Variants in PTDSS1 observed in about 807,000 individuals in gnomAD.
The protein encoded by PTDSS1 is PSS-1.
In PTDSS1, 45 loss-of-function variants were observed where a neutral mutation model predicts 70.5. The ratio of observed to expected loss-of-function variants is 0.64; its 90% CI spans 0.50 to 0.82. The LOEUF (loss-of-function observed/expected upper bound fraction) is 0.82. Ranked by LOEUF, PTDSS1 falls within the 40% of genes least tolerant of loss-of-function variation. The pLI is 0.00. For synonymous variants in PTDSS1, 188 were observed against 203.8 expected, an observed-to-expected ratio of 0.92 and a Z score of 0.66; for missense variants, 417 against 586.1, an observed-to-expected ratio of 0.71 and a Z score of 2.98.
At chr8:96,277,457 C>G (rs1009860625) in intron 2 of PTDSS1, among the ~76,000 whole-genome samples, 2 of 152,182 alleles carry the variant, frequency 1.3e-5, no homozygotes, top group East Asian at 3.9e-4. Flanking sequence ...TGTACATGCC[C>G]CTTCACACTC....
chr8:96,308,147 C>T (rs1586201212), intron 8 of PTDSS1, among the ~76,000 whole-genome samples: 1 of 152,150 alleles, frequency 6.6e-6, no homozygotes, highest in East Asian at 1.9e-4. Context: ...CCTAACATCT[C>T]CAGCTTCTTC....
chr8:96,333,973 T>A lies in PTDSS1; in HGVS notation c.*407T>A, dbSNP rs1030985699. 3.0e-5 allele frequency: 14 copies of A among 459,344 alleles called. No individual in the cohort carries two copies. Among genetic ancestry groups the A allele is most frequent in the African/African-American group, 2.8e-4 (14 of 50,138 alleles). The allele number at this position is 459,344 out of a possible 1,614,324, so 28.5% of individuals were successfully genotyped here. On this transcript the variant is annotated 3_prime_UTR_variant, in exon 13 of 13. Transcript: ENST00000517309. ...ATGGACTGGTCACCAGTTTTTATTT[T>A]ATTTTTATGAATCTACCTTTCCATT... is the stretch of plus-strand genomic sequence containing the variant.
intron 4 of PTDSS1, among the ~76,000 whole-genome samples, chr8:96,289,734 A>G (rs1810875110): frequency 6.6e-6 from 1 of 152,242 alleles, no homozygotes; most frequent in African/African-American, 2.4e-5. Flanking sequence ...GGTCCAAGAA[A>G]TAATCATTCC....
At chr8:96,331,905 C>T (rs886596898) in intron 12 of PTDSS1, among the ~76,000 whole-genome samples, 9 of 151,120 alleles carry the variant, frequency 6.0e-5, no homozygotes, top group Admixed American at 5.3e-4. Flanking sequence ...AAAAAATTAG[C>T]CAGATGTGGT....
chr8:96,295,249 T>TAA lies in PTDSS1; in HGVS notation c.593_594insAA (p.Thr199ArgfsTer43). ...TGGACAATCAGTATTACCTGGGAGC[T>TAA]GACTGAGGTAAGAAGGAGGGCATTG... On this transcript the variant is annotated frameshift_variant, in exon 5 of 13. Coordinates refer to ENST00000517309, the MANE Select transcript of PTDSS1 (RefSeq NM_014754.3). LOFTEE classifies it high-confidence loss of function. 1 of 1,613,172 alleles carries TAA rather than the reference T, an allele frequency of 6.2e-7. No individual in the cohort carries two copies. The highest frequency in any genetic ancestry group is 8.5e-7 in the Non-Finnish European group (1 of 1,179,472).
intron 1 of PTDSS1, among the ~76,000 whole-genome samples, chr8:96,268,508 G>A (rs899084377): frequency 2.0e-5 from 3 of 152,144 alleles, no homozygotes; most frequent in African/African-American, 4.8e-5. Flanking sequence ...CTAAAAGATT[G>A]TAGGCAAGTG....
intron 1 of PTDSS1, among the ~76,000 whole-genome samples, chr8:96,266,949 G>A (rs563047815): frequency 6.6e-6 from 1 of 152,132 alleles, no homozygotes; most frequent in Non-Finnish European, 1.5e-5. Flanking sequence ...ATGGGCACTT[G>A]GGTGACTTAA....
In PTDSS1 at chr8:96,335,257, C is replaced by T. The variant is rs1811578662; in HGVS notation, c.*1691C>T. 1 of 152,156 alleles carries T rather than the reference C, an allele frequency of 6.6e-6. No homozygotes were observed. The highest frequency in any genetic ancestry group is 2.1e-4 in the South Asian group (1 of 4,828). 9.4% of individuals were successfully genotyped at this position (152,156 alleles called of 1,614,324 possible). A position where few individuals can be genotyped will look rare whatever the true frequency, so the allele number is the denominator to read the frequency against. On this transcript the variant is annotated 3_prime_UTR_variant, in exon 13 of 13. Transcript: ENST00000517309. ...GCACTTTTATAACCCATCAAAGAGGCCATTTTTAAACACAGGTACAATTTA... is the reference window on the plus strand; with the variant it reads ...GCACTTTTATAACCCATCAAAGAGGTCATTTTTAAACACAGGTACAATTTA...
chr8:96,316,477 A>G (rs1811290386), intron 9 of PTDSS1, among the ~76,000 whole-genome samples: 1 of 152,182 alleles, frequency 6.6e-6, no homozygotes, highest in Non-Finnish European at 1.5e-5. Context: ...CAAAAACCGC[A>G]TATGCTCACT....
chr8:96,297,236 T>C (rs1305890897), intron 5 of PTDSS1, among the ~76,000 whole-genome samples: 1 of 152,214 alleles, frequency 6.6e-6, no homozygotes, highest in Non-Finnish European at 1.5e-5. Flanking sequence ...TGGAATGCAG[T>C]GGTGCGATCT....
intron 5 of PTDSS1, 92 bp downstream of exon 5, chr8:96,295,348 C>T (rs1463804064): frequency 1.2e-5 from 16 of 1,324,198 alleles, no homozygotes; most frequent in East Asian, 5.2e-5. Flanking sequence ...TCAGTTAATC[C>T]GTTCTCCAGC....
chr8:96,294,573 T>C (rs1341443367), intron 4 of PTDSS1, among the ~76,000 whole-genome samples: 1 of 152,122 alleles, frequency 6.6e-6, no homozygotes, highest in Non-Finnish European at 1.5e-5. Context: ...GTTGGGTGCT[T>C]TTCTTCTTTT....
At chr8:96,331,432 G>A (rs1400062255) in intron 12 of PTDSS1, among the ~76,000 whole-genome samples, 1 of 152,042 alleles carries the variant, frequency 6.6e-6, no homozygotes, top group Non-Finnish European at 1.5e-5. Flanking sequence ...AGGACGCTGA[G>A]CCAGGAGAAT....
At position 96,273,402 on chromosome 8, in the gene PTDSS1, C is replaced by T; in HGVS notation, c.271+12C>T. 2 of 1,562,770 alleles carry T rather than the reference C, an allele frequency of 1.3e-6. No homozygotes were observed. The highest frequency in any genetic ancestry group is 1.8e-6 in the Non-Finnish European group (2 of 1,141,464). ...AGCTTTCCCCAATGGTAAGTAATGT[C>T]ATGCATTACCACATTTCTCCTATAT... On this transcript the variant is annotated intron_variant, in intron 2 of 12. Coordinates refer to ENST00000517309, the MANE Select transcript of PTDSS1 (RefSeq NM_014754.3).
At chr8:96,330,709 A>C in intron 11 of PTDSS1, 2 of 388,842 alleles carry the variant, frequency 5.1e-6, no homozygotes, top group Middle Eastern at 7.5e-4. Context: ...GAAAATAGAC[A>C]TGAATGGCTT....
chr8:96,315,302 A>G (rs1156860568), intron 9 of PTDSS1, among the ~76,000 whole-genome samples: 1 of 152,192 alleles, frequency 6.6e-6, no homozygotes, highest in Non-Finnish European at 1.5e-5. Flanking sequence ...ACTCTCAGCC[A>G]TCCAGGGATT....
chr8:96,331,805 G>A (rs558980399), intron 12 of PTDSS1, among the ~76,000 whole-genome samples: 7 of 151,952 alleles, frequency 4.6e-5, no homozygotes, highest in East Asian at 3.9e-4. Flanking sequence ...TAACCCCAGC[G>A]CTTTGGGATG....
intron 6 of PTDSS1, 28 bp downstream of exon 6, chr8:96,299,873 T>G: frequency 1.9e-6 from 3 of 1,588,356 alleles, no homozygotes; most frequent in Non-Finnish European, 1.7e-6. Flanking sequence ...TGGATATTAG[T>G]CACAGTTTTT....
chr8:96,273,476 A>G, intron 2 of PTDSS1, 86 bp downstream of exon 2: 1 of 1,041,260 alleles, frequency 9.6e-7, no homozygotes, highest in Non-Finnish European at 1.4e-6. Context: ...AAGATGAAGT[A>G]AAGAAATAAT....
Sources: allele counts gnomAD v4.1 joint callset (sites outside exome capture counted in the v4.1 genomes callset), GRCh38; gene constraint gnomAD v4.1.1; transcripts MANE v1.5; gene names NCBI Gene and HGNC (gene_info 2026-07-23, HGNC 2026-07-21).